ABHD3: variants seen among roughly 807,000 people sequenced by gnomAD.
ABHD3 encodes the protein phospholipase ABHD3.
ABHD3 carries 46 observed loss-of-function variants against 48.8 expected under a neutral mutation model. The ratio of observed to expected loss-of-function variants is 0.94; its 90% CI spans 0.74 to 1.20. The LOEUF (loss-of-function observed/expected upper bound fraction) is 1.20, where lower values mean the gene tolerates loss of function less well. ABHD3 is among the 50% of genes most tolerant of loss of function. The pLI is 0.00. For missense variants in ABHD3, 490 were observed against 497.8 expected, an observed-to-expected ratio of 0.98 and a Z score of 0.15; for synonymous variants, 192 against 183.7, an observed-to-expected ratio of 1.04 and a Z score of -0.36.
intron 3 of ABHD3, among the ~76,000 whole-genome samples, chr18:21,697,585 TG>T (rs1321892590): frequency 6.6e-6 from 1 of 152,176 alleles, no homozygotes; most frequent in African/African-American, 2.4e-5. Context: ...TTCGCCATGT[TG>T]GCCAGGCTGG....
chr18:21,661,360 G>A lies in ABHD3; in HGVS notation c.669-2017C>T, dbSNP rs564017549. 1.1e-4 allele frequency among the ~76,000 whole-genome samples: 16 copies of A among 152,080 alleles called. No individual in the cohort carries two copies. The South Asian group carries it at 1.7e-3, about 16-fold the overall frequency. On this transcript the variant is annotated intron_variant, in intron 5 of 8. Transcript: ENST00000289119. ...TTGTTTTTTAAGATAAACTCCAGCC[G>A]GGCGCAGTGGCTCATGCCTGTAATC... is the stretch of plus-strand genomic sequence containing the variant.
Position 21,684,894 on chromosome 18 carries a change from T to A in ABHD3, c.510-929A>T, listed in dbSNP as rs2040096588. On this transcript the variant is annotated intron_variant, in intron 3 of 8. Transcript: ENST00000289119. Reference sequence around the variant, plus strand: ...GACCTTGTGCTTTCTCTGATCCTGTTTGCATCTGCTGGGTAAATGGGCTCA... The same window carrying A: ...GACCTTGTGCTTTCTCTGATCCTGTATGCATCTGCTGGGTAAATGGGCTCA... Among the ~76,000 whole-genome samples, 3 of 152,292 alleles carry A rather than the reference T, an allele frequency of 2.0e-5. 1 individual carries two copies. In the South Asian group the frequency reaches 6.2e-4, roughly 32 times the overall value.
At chr18:21,688,509 A>G (rs947581699) in intron 3 of ABHD3, among the ~76,000 whole-genome samples, 31 of 151,342 alleles carry the variant, frequency 2.0e-4, no homozygotes, top group African/African-American at 7.5e-4. Flanking sequence ...TTACTGAACT[A>G]AAGATTGAGT....
chr18:21,669,241 T>C (rs2039704672), intron 4 of ABHD3, among the ~76,000 whole-genome samples: 1 of 152,134 alleles, frequency 6.6e-6, no homozygotes, highest in African/African-American at 2.4e-5. Context: ...AAGCTCCTTA[T>C]GCCTCAATAC....
At chr18:21,685,784 A>C (rs1212281994) in intron 3 of ABHD3, among the ~76,000 whole-genome samples, 3 of 151,870 alleles carry the variant, frequency 2.0e-5, no homozygotes, top group Non-Finnish European at 4.4e-5. Flanking sequence ...TGCAACCTCC[A>C]TCTCCCAGAT....
At chr18:21,691,957 C>A (rs149080571) in intron 3 of ABHD3, among the ~76,000 whole-genome samples, 3 of 152,224 alleles carry the variant, frequency 2.0e-5, no homozygotes, top group Admixed American at 2.0e-4. Context: ...ACATTCCAAT[C>A]TTTTCTTTTT....
chr18:21,655,243 G>A (rs1283969265), intron 8 of ABHD3, among the ~76,000 whole-genome samples: 1 of 151,690 alleles, frequency 6.6e-6, no homozygotes. Context: ...GAAGTATTTG[G>A]GGAAAATGGT....
chr18:21,653,077 A>AAAAAAAAAAAAAAAAAAG lies in ABHD3; in HGVS notation c.1058-1315_1058-1314insCTTTTTTTTTTTTTTTTT, dbSNP rs772523934. Among the ~76,000 whole-genome samples, 3 of 76,156 alleles carry AAAAAAAAAAAAAAAAAAG rather than the reference A, an allele frequency of 3.9e-5. 1 individual carries two copies. The highest frequency in any genetic ancestry group is 1.4e-4 in the African/African-American group (2 of 14,270). The allele number at this position is 76,156 out of a possible 152,430, so 50.0% of individuals were successfully genotyped here. A position where few individuals can be genotyped will look rare whatever the true frequency, so the allele number is the denominator to read the frequency against. On this transcript the variant is annotated intron_variant, in intron 8 of 8. Coordinates refer to ENST00000289119, the MANE Select transcript of ABHD3 (RefSeq NM_138340.5). ...CAAAAAAAAAAAAAAAAAAAAAAAA[A>AAAAAAAAAAAAAAAAAAG]AAAGAGCTGGGTGTGGTGGCTCACG...
At position 21,651,222 on chromosome 18, in the gene ABHD3, C is replaced by T. The variant is rs568143162; in HGVS notation, c.*369G>A. On this transcript the variant is annotated 3_prime_UTR_variant, in exon 9 of 9. Coordinates refer to ENST00000289119, the MANE Select transcript of ABHD3 (RefSeq NM_138340.5). ...ATATTTCTTAGTAGTTATTAAAGTA[C>T]CATTAAATCACCTAAAACAAATAAT... 6.3e-6 allele frequency: 1 copy of T among 158,870 alleles called. No homozygotes were observed. The highest frequency in any genetic ancestry group is 2.4e-5 in the African/African-American group (1 of 41,576). The allele number at this position is 158,870 out of a possible 1,614,324, so 9.8% of individuals were successfully genotyped here.
At chr18:21,657,341 CTTTTT>C (rs1162753284) in intron 6 of ABHD3, among the ~76,000 whole-genome samples, 189 bp from the exon 7 acceptor site, 2 of 140,348 alleles carry the variant, frequency 1.4e-5, no homozygotes. Flanking sequence ...TCTTCAAGTA[CTTTTT>C]TTTTTTTTTT....
intron 4 of ABHD3, among the ~76,000 whole-genome samples, chr18:21,671,160 G>C (rs2039749206): frequency 6.6e-6 from 1 of 152,080 alleles, no homozygotes; most frequent in Admixed American, 6.6e-5. Context: ...TTCACCTCTA[G>C]CTTTGTTAAT....
Position 21,661,425 on chromosome 18 carries a change from C to A in ABHD3, c.669-2082G>T, listed in dbSNP as rs560698248. On this transcript the variant is annotated intron_variant, in intron 5 of 8. Transcript: ENST00000289119. ...GGCTGAGGCAGGCAGATCATGAGGT[C>A]AGGAGTTTGAGCCAGGCCAACATAG... 5.9e-5 allele frequency among the ~76,000 whole-genome samples: 9 copies of A among 152,040 alleles called. No homozygotes were observed. In the South Asian group the frequency reaches 1.9e-3, roughly 32 times the overall value.
intron 3 of ABHD3, among the ~76,000 whole-genome samples, chr18:21,685,977 C>A (rs940710353): frequency 6.6e-6 from 1 of 152,204 alleles, no homozygotes; most frequent in Non-Finnish European, 1.5e-5. Flanking sequence ...GGATTACAGG[C>A]GTGAGCCACC....
chr18:21,704,439 G>A, intron 1 of ABHD3, 65 bp downstream of exon 1: 9 of 1,258,356 alleles, frequency 7.2e-6, no homozygotes, highest in Non-Finnish European at 7.1e-6. Flanking sequence ...GCGCAGCCTC[G>A]CGCCGCGCCT....
chr18:21,665,334 T>C (rs926424014), intron 4 of ABHD3, among the ~76,000 whole-genome samples: 1 of 151,906 alleles, frequency 6.6e-6, no homozygotes, highest in African/African-American at 2.4e-5. Context: ...TCGACTTCCT[T>C]GTTCAAGTGC....
chr18:21,663,991 A>G, intron 5 of ABHD3, 127 bp downstream of exon 5: 1 of 1,435,522 alleles, frequency 7.0e-7, no homozygotes, highest in Non-Finnish European at 9.1e-7. Flanking sequence ...CATTTAATAA[A>G]ATATGATAAA....
chr18:21,703,545 T>C (rs1351082481), intron 2 of ABHD3, 39 bp downstream of exon 2: 2 of 1,587,428 alleles, frequency 1.3e-6, no homozygotes, highest in East Asian at 2.3e-5. Flanking sequence ...AAACAACCTG[T>C]GATTTTGCAG....
At chr18:21,655,374 G>C (rs991064421) in intron 8 of ABHD3, among the ~76,000 whole-genome samples, 3 of 147,278 alleles carry the variant, frequency 2.0e-5, no homozygotes, top group Non-Finnish European at 4.5e-5. Flanking sequence ...TGCAACCTCC[G>C]CCTCCTGGTT....
intron 3 of ABHD3, among the ~76,000 whole-genome samples, chr18:21,689,518 C>T (rs1037467934): frequency 8.2e-6 from 1 of 122,196 alleles, no homozygotes; most frequent in Admixed American, 1.1e-4. Flanking sequence ...CATTGCACTC[C>T]AGACTGGGCA....
Sources: allele counts gnomAD v4.1 joint callset (sites outside exome capture counted in the v4.1 genomes callset), GRCh38; gene constraint gnomAD v4.1.1; transcripts MANE v1.5; gene names NCBI Gene and HGNC (gene_info 2026-07-23, HGNC 2026-07-21).